The following HMCN1 variants were observed in gnomAD, a reference collection of about 807,000 sequenced individuals.
HMCN1 encodes the protein hemicentin 1.
HMCN1 carries 321 observed loss-of-function variants against 625.9 expected under a neutral mutation model. The observed-to-expected ratio is 0.51, with a 90% confidence interval of 0.47 to 0.56. HMCN1 has a LOEUF of 0.56. Among genes scored for constraint, HMCN1 ranks in the 20% least tolerant of loss-of-function variants. HMCN1 has a pLI of 0.00. For missense variants in HMCN1, 6,588 were observed against 6,887.3 expected, an observed-to-expected ratio of 0.96 and a Z score of 1.54; for synonymous variants, 2,425 against 2,417.6, an observed-to-expected ratio of 1.00 and a Z score of -0.09.
intron 4 of HMCN1, among the ~76,000 whole-genome samples, chr1:185,889,477 A>G (rs1022795567): frequency 2.1e-4 from 30 of 144,250 alleles, no homozygotes; most frequent in South Asian, 1.3e-3. Flanking sequence ...ATTTTGAAAT[A>G]TGTCGCATCA....
In HMCN1 at chr1:186,015,151, C is replaced by T; in HGVS notation, c.4631-8C>T. 5 of 1,612,116 alleles carry T rather than the reference C, an allele frequency of 3.1e-6. No homozygotes were observed. Among genetic ancestry groups the T allele is most frequent in the Non-Finnish European group, 4.2e-6 (5 of 1,178,432 alleles). ...GATGACTTGTTTTTGTTCTGAAATCCTTTGTAGTTCCACCTAGTATTAAAG... is the reference window on the plus strand; with the variant it reads ...GATGACTTGTTTTTGTTCTGAAATCTTTTGTAGTTCCACCTAGTATTAAAG... On this transcript the variant is annotated splice_region_variant and splice_polypyrimidine_tract_variant and intron_variant, in intron 30 of 106. Transcript: ENST00000271588.
At chr1:185,913,565 T>TATTG (rs2102459026) in intron 6 of HMCN1, among the ~76,000 whole-genome samples, 1 of 152,268 alleles carries the variant, frequency 6.6e-6, no homozygotes, top group East Asian at 1.9e-4. Flanking sequence ...GCTTTCTGAA[T>TATTG]ATTGACCTTA....
chr1:186,172,548 CCAGA>C (rs1020259817), intron 102 of HMCN1, among the ~76,000 whole-genome samples: 9 of 152,030 alleles, frequency 5.9e-5, no homozygotes, highest in Non-Finnish European at 1.2e-4. Flanking sequence ...AAATCCATGA[CCAGA>C]CAAATAAAAT....
Position 186,039,854 on chromosome 1 carries a change from T to G in HMCN1, c.6155T>G (p.Val2052Gly), listed in dbSNP as rs1321248293. 1.2e-6 allele frequency: 2 copies of G among 1,613,390 alleles called. No homozygotes were observed. The highest frequency in any genetic ancestry group is 1.7e-6 in the Non-Finnish European group (2 of 1,179,544). ...ACCTGGTTGAAAGATGGGAGTCCTGTTTCTAGTTTTTCTAATGGATTACAG... is the reference window on the plus strand; with the variant it reads ...ACCTGGTTGAAAGATGGGAGTCCTGGTTCTAGTTTTTCTAATGGATTACAG... ...SLTWLKDGSPVSSFSNGLQVL... is the reference protein window; with the variant it reads ...SLTWLKDGSPGSSFSNGLQVL... Residue 2052 changes from valine to glycine, a missense_variant, in exon 39 of 107, where the codon GTT becomes GGT. By Grantham distance (109) the Val-to-Gly change is moderately radical. This residue lies in a region of HMCN1 where 4,628 missense variants were observed against 4,853.1 expected (regional missense o/e 0.95). Transcript: ENST00000271588.
chr1:186,006,021 A>G (rs1394515502), intron 29 of HMCN1, among the ~76,000 whole-genome samples: 1 of 151,854 alleles, frequency 6.6e-6, no homozygotes, highest in South Asian at 2.1e-4. Context: ...CTGTAATTCC[A>G]GCTACTTGGG....
At chr1:186,154,110 A>C in intron 97 of HMCN1, 123 bp downstream of exon 97, 3 of 812,628 alleles carry the variant, frequency 3.7e-6, no homozygotes, top group Non-Finnish European at 6.2e-6. Flanking sequence ...TGTGTTGTCT[A>C]TGCCTTTTTG....
chr1:186,073,641 G>A (rs534593105), intron 52 of HMCN1, among the ~76,000 whole-genome samples: 3 of 152,034 alleles, frequency 2.0e-5, no homozygotes, highest in Non-Finnish European at 4.4e-5. Flanking sequence ...TAAAATAAAG[G>A]GAGAGGAGGC....
intron 103 of HMCN1, among the ~76,000 whole-genome samples, chr1:186,177,998 T>C (rs1388958510): frequency 1.3e-5 from 2 of 152,140 alleles, no homozygotes; most frequent in African/African-American, 4.8e-5. Context: ...TTAATGTTAC[T>C]CTTAGAATTA....
At chr1:185,899,383 C>CG (rs1665677711) in intron 4 of HMCN1, among the ~76,000 whole-genome samples, 1 of 151,820 alleles carries the variant, frequency 6.6e-6, no homozygotes, top group Admixed American at 6.6e-5. Context: ...AAAAATGCAG[C>CG]GAAAAAAATG....
intron 64 of HMCN1, among the ~76,000 whole-genome samples, chr1:186,092,440 C>T (rs976828051): frequency 3.3e-5 from 5 of 151,874 alleles, no homozygotes; most frequent in African/African-American, 4.8e-5. Context: ...ACTTTTGACA[C>T]AGGGTAATTC....
rs1203737973 is a variant in HMCN1 at position 186,151,635 on chromosome 1, C to T, written c.14788C>T (p.Leu4930=). 5 of 1,612,698 alleles carry T rather than the reference C, an allele frequency of 3.1e-6. No homozygotes were observed. Among genetic ancestry groups the T allele is most frequent in the African/African-American group, 1.3e-5 (1 of 74,834 alleles). ...GSAMRKIVSI[L]NPIYWTTAKE... is the part of the protein sequence containing the mutation. ...AGCAATGAGAAAGATAGTTTCTATT[C>T]TAAATCCCATTTATTGGACAACAGC... The change falls in exon 95 of 107, where the codon CTA becomes TTA. Residue 4930 remains leucine (L), a synonymous_variant. Transcript: ENST00000271588.
chr1:185,899,051 A>G (rs976973407), intron 4 of HMCN1, among the ~76,000 whole-genome samples: 1 of 152,112 alleles, frequency 6.6e-6, no homozygotes, highest in African/African-American at 2.4e-5. Context: ...CAAGTCTCTA[A>G]AAAGGGTAAT....
chr1:186,165,075 A>C (rs372876876), intron 97 of HMCN1, 36 bp from the exon 98 acceptor site: 6 of 1,592,488 alleles, frequency 3.8e-6, no homozygotes. Context: ...AACTATTCCA[A>C]TAAGCCAGTT....
rs367674553 is a variant in HMCN1 at position 185,782,895 on chromosome 1, T to C, written c.268+47848T>C. Among the ~76,000 whole-genome samples, 1,219 of 152,040 alleles carry C rather than the reference T, an allele frequency of 8.0e-3. 9 individuals carry two copies. The highest frequency in any genetic ancestry group is 0.026 in the African/African-American group (1,061 of 41,336). On this transcript the variant is annotated intron_variant, in intron 1 of 106. Transcript: ENST00000271588. ...TTCCTGAATTTGAATGTTGGTCTGC[T>C]TTGCTAGGTTGGGGAAGTTCTCCTG...
chr1:186,148,629 C>T (rs776622088), intron 93 of HMCN1, among the ~76,000 whole-genome samples: 15 of 152,258 alleles, frequency 9.9e-5, no homozygotes, highest in Non-Finnish European at 1.9e-4. Context: ...CTGTCTCAGC[C>T]TCCAAGTGAT....
At chr1:185,747,881 A>G (rs566946030) in intron 1 of HMCN1, among the ~76,000 whole-genome samples, 1 of 152,270 alleles carries the variant, frequency 6.6e-6, no homozygotes, top group South Asian at 2.1e-4. Flanking sequence ...GGTGGAAGGA[A>G]TTCCTTGATG....
At chr1:185,816,956 G>C (rs925359951) in intron 1 of HMCN1, among the ~76,000 whole-genome samples, 1 of 151,912 alleles carries the variant, frequency 6.6e-6, no homozygotes, top group Non-Finnish European at 1.5e-5. Flanking sequence ...ATGAGGGCAG[G>C]GGTTGCTGCT....
At chr1:185,945,390 T>C (rs536792208) in intron 11 of HMCN1, among the ~76,000 whole-genome samples, 3 of 152,368 alleles carry the variant, frequency 2.0e-5, no homozygotes, top group Non-Finnish European at 4.4e-5. Context: ...TGGTGTCTTA[T>C]TTGTTCATTT....
chr1:186,005,151 T>C (rs190782171), intron 29 of HMCN1, among the ~76,000 whole-genome samples: 1,963 of 149,172 alleles, frequency 0.013, 10 homozygotes, highest in African/African-American at 0.046. Context: ...TTATAAATGT[T>C]TATAAACAAT....
Sources: allele counts gnomAD v4.1 joint callset (sites outside exome capture counted in the v4.1 genomes callset), GRCh38; gene constraint gnomAD v4.1.1; regional missense constraint gnomAD v4.1.1; transcripts MANE v1.5; gene names NCBI Gene and HGNC (gene_info 2026-07-23, HGNC 2026-07-21).